Variants in NAV1 observed in about 807,000 individuals in gnomAD.
The protein encoded by NAV1 is pore membrane and/or filament interacting like protein 3.
A neutral mutation model predicts 175.2 loss-of-function variants in NAV1; 18 were observed. The observed-to-expected ratio is 0.10, with a 90% CI of 0.07 to 0.15. The LOEUF is 0.15. Among genes scored for constraint, NAV1 ranks in the 10% least tolerant of loss-of-function variants. The pLI is 1.00. For synonymous variants in NAV1, 897 were observed against 978.7 expected (o/e 0.92, Z 1.56); for missense variants, 1,731 against 2,436.6 (o/e 0.71, Z 6.10).
At chr1:201,754,008 G>T (rs1193652672) in intron 3 of NAV1, among the ~76,000 whole-genome samples, 1 of 152,152 alleles carries the variant, frequency 6.6e-6, no homozygotes, top group African/African-American at 2.4e-5. Context: ...CTTGCAATGG[G>T]ATAAAGTTGC....
rs375419676 is a variant in NAV1, at chr1:201,782,877, A to T, written c.2357+8A>T. 1 of 1,555,806 alleles carries T rather than the reference A, an allele frequency of 6.4e-7. No homozygotes were observed. The highest frequency in any genetic ancestry group is 2.3e-5 in the East Asian group (1 of 44,310). On this transcript the variant is annotated splice_region_variant and intron_variant, in intron 6 of 29. Transcript: ENST00000367296. The surrounding 1 kb of genome is among the most constrained non-coding windows in gnomAD (Gnocchi z 5.4). Reference sequence around the variant, plus strand: ...GCCACCAACCCCTCTCAGGTACCCAATGTGGGCAGCCGCCTCCTTGTCTGT... The same window carrying T: ...GCCACCAACCCCTCTCAGGTACCCATTGTGGGCAGCCGCCTCCTTGTCTGT...
upstream of NAV1, among the ~76,000 whole-genome samples, chr1:201,621,354 A>C (rs1356867988): frequency 6.0e-5 from 3 of 49,838 alleles, no homozygotes; most frequent in Non-Finnish European, 1.1e-4. Context: ...TTTTTTTTTG[A>C]GACAGTTTTG....
At chr1:201,824,309 G>C (rs1370068695) in exon 30 of NAV1, 1 of 152,122 alleles carries the variant, frequency 6.6e-6, no homozygotes, top group Non-Finnish European at 1.5e-5. Flanking sequence ...CTACTCACAA[G>C]TTCTGGCTCA....
At chr1:201,571,254 G>A (rs11583984) in intron 1 of NAV1, among the ~76,000 whole-genome samples, 15,342 of 152,270 alleles carry the variant, frequency 0.1, 928 homozygotes, top group East Asian at 0.14. Context: ...AGAAAGGGGA[G>A]GTAGTGCTGG....
intron 3 of NAV1, among the ~76,000 whole-genome samples, chr1:201,769,138 CA>C (rs1372682122): frequency 3.9e-5 from 6 of 152,192 alleles, no homozygotes; most frequent in Admixed American, 2.6e-4. Flanking sequence ...ATTTGAGTAT[CA>C]GGGGCAAATG....
At position 201,807,170 on chromosome 1, in the gene NAV1, G is replaced by A. The variant is rs1383377323; in HGVS notation, c.3649-783G>A. Among the ~76,000 whole-genome samples, 2 of 152,116 alleles carry A rather than the reference G, an allele frequency of 1.3e-5. No homozygotes were observed. The highest frequency in any genetic ancestry group is 4.8e-5 in the African/African-American group (2 of 41,428). On this transcript the variant is annotated intron_variant, in intron 17 of 29. Transcript: ENST00000367296. This position sits in a 1 kb window ranked among gnomAD's most constrained non-coding sequence, Gnocchi z 5.4. ...TAACACCCAAGCTCATCAACACCAA[G>A]ATCAAACAAGCTATGGTCAGATTAT...
rs1441142185 is a variant in NAV1, at chr1:201,539,584, C to T, written c.-144+242C>T. On this transcript the variant is annotated intron_variant, in intron 1 of 33. Coordinates refer to the NAV1 transcript ENST00000685211. This position sits in a 1 kb window ranked among gnomAD's most constrained non-coding sequence, Gnocchi z 5.6. ...TTCGACCCCTATGGGACTGACTGCG[C>T]GTTTGATTCTAGAGTTGACTCTCCG... 1.3e-5 allele frequency among the ~76,000 whole-genome samples: 2 copies of T among 152,114 alleles called. No individual in the cohort carries two copies. The highest frequency in any genetic ancestry group is 2.9e-5 in the Non-Finnish European group (2 of 68,018).
intron 3 of NAV1, among the ~76,000 whole-genome samples, chr1:201,742,155 T>C (rs1331797913): frequency 6.6e-6 from 1 of 152,220 alleles, no homozygotes; most frequent in Non-Finnish European, 1.5e-5. Flanking sequence ...CTGGCTCCAA[T>C]TCACAGAGGG....
At chr1:201,618,694 T>G (rs1440843507), upstream of NAV1, among the ~76,000 whole-genome samples, 2 of 152,208 alleles carry the variant, frequency 1.3e-5, no homozygotes, top group African/African-American at 4.8e-5. Flanking sequence ...TTTTTAGCTG[T>G]GTGTGTCCTG....
intron 1 of NAV1, among the ~76,000 whole-genome samples, chr1:201,711,557 G>A (rs1379777792): frequency 5.3e-5 from 8 of 152,364 alleles, no homozygotes; most frequent in African/African-American, 1.4e-4. Flanking sequence ...CTGAGGGGGC[G>A]TTTGGCCTCT....
At chr1:201,574,756 C>T (rs1016349285) in intron 1 of NAV1, among the ~76,000 whole-genome samples, 2 of 152,206 alleles carry the variant, frequency 1.3e-5, no homozygotes, top group African/African-American at 2.4e-5. Context: ...CTACCACCAC[C>T]GTCACCAGCG....
intron 1 of NAV1, among the ~76,000 whole-genome samples, chr1:201,684,130 C>T (rs931461644): frequency 6.6e-6 from 1 of 152,070 alleles, no homozygotes; most frequent in African/African-American, 2.4e-5. Context: ...TATTTCCTTG[C>T]TTTTCGGCCC....
At chr1:201,773,612 TTGA>T (rs1675735665) in intron 3 of NAV1, among the ~76,000 whole-genome samples, 2 of 152,116 alleles carry the variant, frequency 1.3e-5, no homozygotes, top group African/African-American at 4.8e-5. Context: ...TGTTACAGTC[TTGA>T]TGAGGAGGGG....
At chr1:201,542,314 G>A (rs1665537117) in intron 1 of NAV1, among the ~76,000 whole-genome samples, 1 of 152,194 alleles carries the variant, frequency 6.6e-6, no homozygotes, top group Admixed American at 6.5e-5. Flanking sequence ...TCTCTGTGAT[G>A]GAAGCATCTA....
intron 15 of NAV1, chr1:201,795,542 G>C (rs1677387934): frequency 6.6e-6 from 1 of 151,888 alleles, no homozygotes; most frequent in Admixed American, 6.6e-5. Context: ...TATGTTAAAG[G>C]GGAAAGATGT....
In NAV1 at chr1:201,788,634, C is replaced by T. The variant is rs758381480; in HGVS notation, c.3162C>T (p.Asp1054=). 1.6e-5 allele frequency: 26 copies of T among 1,610,526 alleles called. No individual in the cohort carries two copies. The highest frequency in any genetic ancestry group is 1.6e-4 in the Middle Eastern group (1 of 6,072). The change falls in exon 10 of 30, where the codon GAC becomes GAT. Residue 1054 remains aspartate, a synonymous_variant. Coordinates refer to ENST00000367296, the Ensembl canonical transcript of NAV1. This position sits in a 1 kb window ranked among gnomAD's most constrained non-coding sequence, Gnocchi z 5.7. ...CAGGATCCTTCCGAGACCCCACGGA[C>T]GATGGTGAGACTTCATGCTAGCGCG...
exon 29 of NAV1, chr1:201,817,132 C>T (rs1348156487): frequency 4.3e-6 from 7 of 1,614,110 alleles, no homozygotes; most frequent in Non-Finnish European, 5.1e-6. Flanking sequence ...TGGAATGGGT[C>T]CGGGACACAC....
chr1:201,592,492 C>T (rs545372), intron 2 of NAV1, among the ~76,000 whole-genome samples: 14,805 of 152,154 alleles, frequency 0.097, 960 homozygotes, highest in African/African-American at 0.17. Context: ...GTGCTGCGGC[C>T]CTAACCAGGG....
chr1:201,608,706 T>G (rs1462126847), intron 2 of NAV1, among the ~76,000 whole-genome samples: 1 of 152,156 alleles, frequency 6.6e-6, no homozygotes, highest in Admixed American at 6.5e-5. Context: ...ATGGGACTTT[T>G]TTTCTGAGAT....
Sources: gnomAD v4.1 joint callset for allele counts (sites outside exome capture counted in the v4.1 genomes callset) on GRCh38, gnomAD v4.1.1 for gene constraint, Gnocchi (gnomAD v3.1) non-coding constraint, MANE v1.5 for transcripts, NCBI Gene and HGNC (gene_info 2026-07-23, HGNC 2026-07-21) for gene names.